GRM5: variants seen among roughly 807,000 people sequenced by gnomAD.
GRM5 encodes metabotropic glutamate receptor 5.
Under a neutral mutation model 83.1 loss-of-function variants are expected in GRM5, and 19 were observed. The ratio of observed to expected loss-of-function variants is 0.23; its 90% confidence interval spans 0.16 to 0.34. GRM5 has a LOEUF of 0.34. GRM5 is among the 10% of genes least tolerant of loss of function. The probability of loss-of-function intolerance (pLI) is 1.00; values close to 1 mark genes in which losing one functional copy is unlikely to be tolerated. For missense variants in GRM5, 1,160 were observed against 1,588.3 expected (o/e 0.73, Z 4.58); for synonymous variants, 675 against 633.6 (o/e 1.07, Z -0.98).
At chr11:88,667,620 G>A (rs565728320) in intron 3 of GRM5, among the ~76,000 whole-genome samples, 5 of 152,082 alleles carry the variant, frequency 3.3e-5, no homozygotes, top group Admixed American at 1.3e-4. Flanking sequence ...TAGGCCAGGC[G>A]CAGTGGCTCA....
At chr11:88,802,872 G>A (rs1425911569) in intron 3 of GRM5, among the ~76,000 whole-genome samples, 5 of 151,592 alleles carry the variant, frequency 3.3e-5, no homozygotes, top group Admixed American at 1.3e-4. Context: ...AAAATCACAA[G>A]CATTCTTATA....
At chr11:88,674,988 C>T (rs556877137) in intron 3 of GRM5, among the ~76,000 whole-genome samples, 1 of 151,918 alleles carries the variant, frequency 6.6e-6, no homozygotes, top group Non-Finnish European at 1.5e-5. Context: ...TGCCACATTA[C>T]TGTAGGTGCC....
chr11:88,560,863 A>G (rs1032356632), intron 8 of GRM5, among the ~76,000 whole-genome samples: 1 of 152,214 alleles, frequency 6.6e-6, no homozygotes, highest in African/African-American at 2.4e-5. Context: ...GTCCTCAGTC[A>G]ATGTCTGTGA....
At chr11:88,701,494 G>T (rs1403280208) in intron 3 of GRM5, among the ~76,000 whole-genome samples, 1 of 152,090 alleles carries the variant, frequency 6.6e-6, no homozygotes, top group Non-Finnish European at 1.5e-5. Context: ...GAGGACTCAA[G>T]GTCAGCTTCA....
chr11:89,009,350 A>G (rs10765181), intron 2 of GRM5, among the ~76,000 whole-genome samples: 89,540 of 151,922 alleles, frequency 0.59, 26,479 homozygotes, highest in South Asian at 0.72. Context: ...AAGGAATTGA[A>G]AATTAGATAA....
chr11:88,986,265 C>T (rs1939706904), intron 2 of GRM5, among the ~76,000 whole-genome samples: 1 of 151,952 alleles, frequency 6.6e-6, no homozygotes, highest in Non-Finnish European at 1.5e-5. Context: ...TTGTATGGTT[C>T]AATTTATATA....
chr11:88,882,046 A>T (rs1358847565), intron 2 of GRM5, among the ~76,000 whole-genome samples: 2 of 151,550 alleles, frequency 1.3e-5, no homozygotes, highest in Admixed American at 1.3e-4. Context: ...CTTTGAGACC[A>T]GCCTGGTCAA....
intron 3 of GRM5, among the ~76,000 whole-genome samples, chr11:88,842,029 T>C (rs1187417921): frequency 1.3e-5 from 2 of 152,218 alleles, no homozygotes; most frequent in East Asian, 1.9e-4. Context: ...TTTTATGCAG[T>C]TATGATTTAA....
At chr11:88,875,082 GT>G (rs112725534) in intron 2 of GRM5, among the ~76,000 whole-genome samples, 91 of 148,010 alleles carry the variant, frequency 6.1e-4, no homozygotes, top group African/African-American at 1.8e-3. Context: ...TGAATTGACT[GT>G]TTTTTTTTTT....
intron 2 of GRM5, among the ~76,000 whole-genome samples, chr11:89,039,289 A>G (rs1322036984): frequency 6.6e-6 from 1 of 151,000 alleles, no homozygotes; most frequent in Non-Finnish European, 1.5e-5. Context: ...ATATATATAT[A>G]TATATAAAGT....
chr11:88,807,117 G>T (rs537858954), intron 3 of GRM5, among the ~76,000 whole-genome samples: 1 of 152,204 alleles, frequency 6.6e-6, no homozygotes, highest in East Asian at 1.9e-4. Flanking sequence ...TAATGGTAAA[G>T]GCATTGCCTT....
chr11:88,924,134 C>CAAA (rs59939060), intron 2 of GRM5, among the ~76,000 whole-genome samples: 3,058 of 146,872 alleles, frequency 0.021, 81 homozygotes, highest in African/African-American at 0.063. Context: ...TAGCTATAAT[C>CAAA]AAAAAAAAAA....
intron 4 of GRM5, among the ~76,000 whole-genome samples, chr11:88,637,895 G>T (rs1399822079): frequency 6.7e-5 from 10 of 150,106 alleles, no homozygotes; most frequent in Admixed American, 1.3e-4. Flanking sequence ...GCAAAGACTT[G>T]GAACCAACCC....
intron 3 of GRM5, among the ~76,000 whole-genome samples, chr11:88,680,678 C>G (rs1004098026): frequency 9.2e-5 from 14 of 152,146 alleles, no homozygotes; most frequent in Non-Finnish European, 1.9e-4. Context: ...GACACAGGCA[C>G]ACGTATGTTA....
At chr11:88,829,101 A>G (rs1051890226) in intron 3 of GRM5, among the ~76,000 whole-genome samples, 5 of 152,202 alleles carry the variant, frequency 3.3e-5, no homozygotes, top group Non-Finnish European at 5.9e-5. Context: ...TTAGTATACG[A>G]AAACTAAAAA....
intron 3 of GRM5, among the ~76,000 whole-genome samples, chr11:88,781,393 T>A (rs1942973736): frequency 6.6e-6 from 1 of 152,074 alleles, no homozygotes; most frequent in Admixed American, 6.6e-5. Context: ...CATTCAAGCA[T>A]CCTAATTATA....
At chr11:88,922,799 A>G (rs995985061) in intron 2 of GRM5, among the ~76,000 whole-genome samples, 2 of 152,156 alleles carry the variant, frequency 1.3e-5, no homozygotes, top group African/African-American at 4.8e-5. Flanking sequence ...CAACCCATAG[A>G]ATGGGAAAAA....
intron 3 of GRM5, among the ~76,000 whole-genome samples, chr11:88,734,608 T>A (rs1223621767): frequency 6.6e-6 from 1 of 152,074 alleles, no homozygotes; most frequent in Non-Finnish European, 1.5e-5. Flanking sequence ...CTATTTTAAA[T>A]TTTTTCTTGC....
chr11:88,668,627 G>A (rs913301603), intron 3 of GRM5, among the ~76,000 whole-genome samples: 3 of 152,040 alleles, frequency 2.0e-5, no homozygotes, highest in Non-Finnish European at 2.9e-5. Flanking sequence ...CCCCAGGAAT[G>A]AAAAATTATT....
Sources: allele counts gnomAD v4.1 joint callset (sites outside exome capture counted in the v4.1 genomes callset), GRCh38; gene constraint gnomAD v4.1.1; transcripts MANE v1.5; gene names NCBI Gene and HGNC (gene_info 2026-07-23, HGNC 2026-07-21).